The following XIRP2 variants were observed in gnomAD, a reference collection of about 807,000 sequenced individuals.
XIRP2 encodes the protein xin actin-binding repeat-containing protein 2.
In XIRP2, 236 loss-of-function variants were observed where a neutral mutation model predicts 277.0. The observed-to-expected ratio is 0.85, with a 90% CI of 0.77 to 0.95. The LOEUF (loss-of-function observed/expected upper bound fraction) is 0.95. Ranked by LOEUF, XIRP2 falls within the 40% of genes least tolerant of loss-of-function variation. The probability of loss-of-function intolerance (pLI) is 0.00; values close to 1 mark genes in which losing one functional copy is unlikely to be tolerated. For missense variants in XIRP2, 4,640 were observed against 4,157.5 expected, an observed-to-expected ratio of 1.12 and a Z score of -3.19; for synonymous variants, 1,490 against 1,416.5, an observed-to-expected ratio of 1.05 and a Z score of -1.17.
chr2:166,959,794 C>A (rs1430611465), intron 2 of XIRP2, among the ~76,000 whole-genome samples: 1 of 151,766 alleles, frequency 6.6e-6, no homozygotes, highest in Middle Eastern at 3.4e-3. Context: ...GGTTAAACAT[C>A]TTCTATTTGA....
At chr2:166,999,929 A>G (rs1437093889) in intron 2 of XIRP2, among the ~76,000 whole-genome samples, 1 of 152,084 alleles carries the variant, frequency 6.6e-6, no homozygotes, top group Non-Finnish European at 1.5e-5. Context: ...AGAAAAAAAT[A>G]TTTATCCTGT....
chr2:166,948,915 A>C (rs1685954432), intron 2 of XIRP2, among the ~76,000 whole-genome samples: 1 of 152,052 alleles, frequency 6.6e-6, no homozygotes, highest in Non-Finnish European at 1.5e-5. Flanking sequence ...ATATAAAACT[A>C]GTTATTTTCC....
intron 2 of XIRP2, among the ~76,000 whole-genome samples, chr2:166,976,305 A>G (rs1686717302): frequency 6.6e-6 from 1 of 152,016 alleles, no homozygotes; most frequent in South Asian, 2.1e-4. Flanking sequence ...TCTAAGACCA[A>G]CTTCTCTAGC....
chr2:167,034,622 A>G (rs185824268), intron 2 of XIRP2, among the ~76,000 whole-genome samples: 330 of 152,306 alleles, frequency 2.2e-3, no homozygotes, highest in African/African-American at 7.2e-3. Flanking sequence ...ACAGAAACCA[A>G]TAAAGAGCAG....
chr2:167,201,218 GAA>G (rs1434908132), intron 3 of XIRP2, among the ~76,000 whole-genome samples: 7 of 101,694 alleles, frequency 6.9e-5, no homozygotes, highest in South Asian at 3.6e-4. Context: ...AAGAAAGAAA[GAA>G]AGAAAGAAAG....
At chr2:166,980,575 T>A (rs1686838352) in intron 2 of XIRP2, among the ~76,000 whole-genome samples, 1 of 151,866 alleles carries the variant, frequency 6.6e-6, no homozygotes, top group African/African-American at 2.4e-5. Context: ...CGCCACCACG[T>A]CTGGCTAATT....
Position 166,988,582 on chromosome 2 carries a change from C to G in XIRP2, c.408+84692C>G, listed in dbSNP as rs1036118933. Among the ~76,000 whole-genome samples the G allele has an allele frequency of 8.1e-5, 11 of 136,104 alleles. 1 individual carries two copies. The highest frequency in any genetic ancestry group is 1.2e-4 in the Non-Finnish European group (8 of 64,426). 89.3% of individuals were successfully genotyped at this position (136,104 alleles called of 152,430 possible). On this transcript the variant is annotated intron_variant, in intron 2 of 10. Coordinates refer to ENST00000409195, the MANE Select transcript of XIRP2 (RefSeq NM_152381.6). ...GTTCATCTCACTAGGGAGTGCCAGA[C>G]AGTGGGCGCAGGCCAGTGTGTGTGC... is the stretch of plus-strand genomic sequence containing the variant.
In XIRP2 at chr2:167,251,248, G is replaced by A. The variant is rs778996107; in HGVS notation, c.9856G>A (p.Asp3286Asn). ...GLNSTDHMVPDTESYDAVEII... is the reference protein window; with the variant it reads ...GLNSTDHMVPNTESYDAVEII... ...AAATTCCACTGATCACATGGTGCCC[G>A]ACACTGAAAGTTATGATGCAGTTGA... Residue 3286 changes from aspartate to asparagine, a missense_variant, in exon 9 of 11, where the codon GAC (aspartate) becomes AAC (asparagine). Coordinates refer to ENST00000409195, the MANE Select transcript of XIRP2 (RefSeq NM_152381.6). 1.9e-6 allele frequency: 3 copies of A among 1,613,436 alleles called. No individual in the cohort carries two copies. Among genetic ancestry groups the A allele is most frequent in the Admixed American group, 3.3e-5 (2 of 59,950 alleles).
intron 2 of XIRP2, among the ~76,000 whole-genome samples, chr2:167,091,136 C>G (rs1558976668): frequency 6.6e-6 from 1 of 152,082 alleles, no homozygotes; most frequent in Non-Finnish European, 1.5e-5. Flanking sequence ...AATGCTACTT[C>G]TTTGTCATTG....
chr2:167,124,625 A>C (rs1691148434), intron 2 of XIRP2: 1 of 152,216 alleles, frequency 6.6e-6, no homozygotes, highest in Non-Finnish European at 1.5e-5. Flanking sequence ...GGGAAACAAG[A>C]TGTGTCAAAA....
At position 166,903,711 on chromosome 2, in the gene XIRP2, GAGA is replaced by G. The variant is rs896609230; in HGVS notation, c.232_234del (p.Lys78del). 1.2e-6 allele frequency: 2 copies of G among 1,613,586 alleles called. No homozygotes were observed. Among genetic ancestry groups the G allele is most frequent in the African/African-American group, 2.7e-5 (2 of 74,898 alleles). On this transcript the variant is annotated inframe_deletion, in exon 2 of 11. Transcript: ENST00000409195. ...AGAGATGTGGAGTTCGAAGCCGGAA[GAGA>G]AGGATTCTGTGGACAAGAGTAACAA...
chr2:167,083,731 T>C (rs1476499104), intron 2 of XIRP2, among the ~76,000 whole-genome samples: 1 of 152,218 alleles, frequency 6.6e-6, no homozygotes, highest in Non-Finnish European at 1.5e-5. Context: ...TCACTCATGA[T>C]TTGGCTCTCT....
At chr2:166,929,254 T>C (rs1393611747) in intron 2 of XIRP2, among the ~76,000 whole-genome samples, 1 of 152,106 alleles carries the variant, frequency 6.6e-6, no homozygotes, top group Non-Finnish European at 1.5e-5. Flanking sequence ...AGACCAGATA[T>C]GTTTTCCACT....
intron 2 of XIRP2, among the ~76,000 whole-genome samples, chr2:166,949,553 T>C (rs1685973520): frequency 6.6e-6 from 1 of 152,086 alleles, no homozygotes; most frequent in South Asian, 2.1e-4. Context: ...TAGATGTACA[T>C]TCATTGCCTT....
intron 2 of XIRP2, among the ~76,000 whole-genome samples, chr2:166,983,311 T>C (rs770063750): frequency 1.3e-5 from 2 of 152,140 alleles, no homozygotes; most frequent in Non-Finnish European, 2.9e-5. Flanking sequence ...ATGTGATTGT[T>C]TTGATAGATT....
At chr2:167,009,993 A>C (rs1171754970) in intron 2 of XIRP2, among the ~76,000 whole-genome samples, 1 of 151,826 alleles carries the variant, frequency 6.6e-6, no homozygotes, top group Non-Finnish European at 1.5e-5. Flanking sequence ...AGCTTGTGAA[A>C]ATTTTCTCCC....
At chr2:167,132,043 T>C (rs1691392418) in intron 2 of XIRP2, among the ~76,000 whole-genome samples, 1 of 152,018 alleles carries the variant, frequency 6.6e-6, no homozygotes, top group Non-Finnish European at 1.5e-5. Flanking sequence ...TTCTCAAACT[T>C]CCGATTCAAT....
chr2:167,179,509 A>G (rs1692949817), intron 3 of XIRP2, among the ~76,000 whole-genome samples: 1 of 151,796 alleles, frequency 6.6e-6, no homozygotes, highest in Non-Finnish European at 1.5e-5. Flanking sequence ...TTTAGTAGTG[A>G]CAGGGTTTCA....
chr2:166,951,853 C>A (rs1367009847), intron 2 of XIRP2, among the ~76,000 whole-genome samples: 1 of 152,010 alleles, frequency 6.6e-6, no homozygotes, highest in Non-Finnish European at 1.5e-5. Context: ...TTGGAGAGCA[C>A]AGACTTGAGA....
Sources: gnomAD v4.1 joint callset for allele counts (sites outside exome capture counted in the v4.1 genomes callset) on GRCh38, gnomAD v4.1.1 for gene constraint, MANE v1.5 for transcripts, NCBI Gene and HGNC (gene_info 2026-07-23, HGNC 2026-07-21) for gene names.